The following DLG2 variants were observed in gnomAD, a reference collection of about 807,000 sequenced individuals.
DLG2 encodes discs large MAGUK scaffold protein 2.
DLG2 carries 45 observed loss-of-function variants against 132.5 expected under a neutral mutation model. The ratio of observed to expected loss-of-function variants is 0.34; its 90% CI spans 0.27 to 0.44. The LOEUF (loss-of-function observed/expected upper bound fraction) is 0.44, where lower values mean the gene tolerates loss of function less well. DLG2 is among the 20% of genes least tolerant of loss of function. The pLI is 1.00. For synonymous variants in DLG2, 424 were observed against 419.6 expected, an observed-to-expected ratio of 1.01 and a Z score of -0.13; for missense variants, 1,045 against 1,196.9, an observed-to-expected ratio of 0.87 and a Z score of 1.87.
intron 6 of DLG2, among the ~76,000 whole-genome samples, chr11:85,009,782 C>G (rs1027064834): frequency 1.3e-5 from 2 of 152,018 alleles, no homozygotes; most frequent in Non-Finnish European, 2.9e-5. Context: ...CTATCGATTT[C>G]TATAAATGCA....
At chr11:84,142,842 T>A (rs2094913121) in intron 9 of DLG2, among the ~76,000 whole-genome samples, 1 of 152,150 alleles carries the variant, frequency 6.6e-6, no homozygotes, top group African/African-American at 2.4e-5. Context: ...ATTGTACCAC[T>A]GACTTTCTTA....
At chr11:85,237,291 T>C (rs1595605302) in intron 4 of DLG2, among the ~76,000 whole-genome samples, 1 of 152,190 alleles carries the variant, frequency 6.6e-6, no homozygotes, top group East Asian at 1.9e-4. Context: ...AAAATTGTTT[T>C]CTGGTATTAA....
intron 3 of DLG2, among the ~76,000 whole-genome samples, chr11:85,387,960 A>G (rs907379337): frequency 1.3e-5 from 2 of 152,182 alleles, no homozygotes; most frequent in African/African-American, 4.8e-5. Context: ...CATTTGAAGG[A>G]GGTGGAATGC....
chr11:84,920,152 G>C (rs2092690077), intron 6 of DLG2, among the ~76,000 whole-genome samples: 1 of 152,248 alleles, frequency 6.6e-6, no homozygotes, highest in African/African-American at 2.4e-5. Flanking sequence ...GTGTTAGATT[G>C]TGATGACCAC....
At chr11:83,589,273 C>T (rs1267947351) in intron 19 of DLG2, among the ~76,000 whole-genome samples, 1 of 150,870 alleles carries the variant, frequency 6.6e-6, no homozygotes, top group African/African-American at 2.4e-5. Flanking sequence ...GGAAGCCCAT[C>T]AGACTAACAG....
intron 15 of DLG2, among the ~76,000 whole-genome samples, chr11:83,914,202 G>A (rs2076541575): frequency 6.6e-6 from 1 of 152,036 alleles, no homozygotes; most frequent in African/African-American, 2.4e-5. Flanking sequence ...ATTTTTGGGA[G>A]ACTGAGTGAG....
chr11:83,681,909 T>C (rs927170291), intron 18 of DLG2: 1 of 155,860 alleles, frequency 6.4e-6, no homozygotes. Context: ...CAAATGAAAC[T>C]GATAGAATGA....
chr11:84,731,498 A>G (rs1028090226), intron 6 of DLG2, among the ~76,000 whole-genome samples: 1 of 151,964 alleles, frequency 6.6e-6, no homozygotes, highest in Admixed American at 6.6e-5. Context: ...GTGAGTTGAG[A>G]TAAGAAAAAT....
intron 18 of DLG2, among the ~76,000 whole-genome samples, chr11:83,743,645 GCTGGT>G (rs761642770): frequency 7.9e-5 from 12 of 151,870 alleles, no homozygotes; most frequent in Non-Finnish European, 1.5e-4. Flanking sequence ...TGTTGCCCAG[GCTGGT>G]CTTAAACTCC....
intron 3 of DLG2, among the ~76,000 whole-genome samples, chr11:85,323,480 A>G (rs2081223717): frequency 6.6e-6 from 1 of 152,224 alleles, no homozygotes; most frequent in Non-Finnish European, 1.5e-5. Flanking sequence ...CAACACAAAT[A>G]TTTGTCATTT....
chr11:85,627,579 G>C (rs2082095880), upstream of DLG2: 1 of 152,198 alleles, frequency 6.6e-6, no homozygotes, highest in Non-Finnish European at 1.5e-5. Context: ...AGTAGTATTA[G>C]ACATGTAAGC....
chr11:83,565,825 C>CCTTTCATTA (rs2096698682), intron 19 of DLG2, among the ~76,000 whole-genome samples: 1 of 152,202 alleles, frequency 6.6e-6, no homozygotes, highest in African/African-American at 2.4e-5. Context: ...GGTAAAGACA[C>CCTTTCATTA]TTATTCAAGA....
intron 6 of DLG2, among the ~76,000 whole-genome samples, chr11:85,090,224 C>A (rs1020537266): frequency 5.3e-5 from 8 of 152,110 alleles, no homozygotes; most frequent in Non-Finnish European, 7.4e-5. Context: ...AACAAACAAA[C>A]AAAAACACTG....
At chr11:83,455,130 C>T (rs548899189), downstream of DLG2, 21 of 152,654 alleles carry the variant, frequency 1.4e-4, no homozygotes, top group South Asian at 2.5e-3. Context: ...CAACTAGAAA[C>T]GCAATAAATA....
chr11:85,164,200 T>C (rs2078253322), intron 4 of DLG2, among the ~76,000 whole-genome samples: 1 of 152,082 alleles, frequency 6.6e-6, no homozygotes, highest in African/African-American at 2.4e-5. Context: ...AAATCTCCTA[T>C]ATAAATATAA....
At chr11:85,072,043 T>C (rs887481055) in intron 6 of DLG2, among the ~76,000 whole-genome samples, 4 of 151,816 alleles carry the variant, frequency 2.6e-5, no homozygotes, top group Admixed American at 6.6e-5. Context: ...AAGGTAAAAA[T>C]GTGAGCATTT....
chr11:84,005,468 C>G (rs1268935710), intron 11 of DLG2, among the ~76,000 whole-genome samples: 1 of 151,794 alleles, frequency 6.6e-6, no homozygotes, highest in Non-Finnish European at 1.5e-5. Context: ...ACCTTAAAAC[C>G]ACGGACAACT....
chr11:84,749,163 T>C (rs2065780316), intron 6 of DLG2, among the ~76,000 whole-genome samples: 1 of 152,172 alleles, frequency 6.6e-6, no homozygotes. Context: ...CAGTAAACTC[T>C]GATCTTCCCT....
chr11:85,262,225 A>T (rs1289263092), intron 4 of DLG2, among the ~76,000 whole-genome samples: 2 of 152,190 alleles, frequency 1.3e-5, no homozygotes, highest in African/African-American at 4.8e-5. Context: ...GCCATGTGGC[A>T]GGCCAGGTCT....
Sources: allele counts gnomAD v4.1 joint callset (sites outside exome capture counted in the v4.1 genomes callset), GRCh38; gene constraint gnomAD v4.1.1; transcripts MANE v1.5; gene names NCBI Gene and HGNC (gene_info 2026-07-23, HGNC 2026-07-21).